The following RBM6 variants were observed in gnomAD, a reference collection of about 807,000 sequenced individuals.
RBM6 encodes the protein RNA binding motif protein 6.
A neutral mutation model predicts 140.4 loss-of-function variants in RBM6; 23 were observed. The ratio of observed to expected loss-of-function variants is 0.16; its 90% CI spans 0.12 to 0.23. The LOEUF is 0.23. RBM6 is among the 10% of genes least tolerant of loss of function. RBM6 has a pLI of 1.00. For missense variants in RBM6, 1,139 were observed against 1,386.7 expected (o/e 0.82, Z 2.84); for synonymous variants, 439 against 475.6 (o/e 0.92, Z 1.00).
At chr3:50,015,865 G>A in intron 6 of RBM6, among the ~76,000 whole-genome samples, 1 of 152,198 alleles carries the variant, frequency 6.6e-6, no homozygotes. Context: ...TATGATACAT[G>A]TGTACATTGT....
chr3:49,996,823 G>A (rs2108728336), intron 5 of RBM6, among the ~76,000 whole-genome samples: 1 of 152,140 alleles, frequency 6.6e-6, no homozygotes, highest in East Asian at 1.9e-4. Flanking sequence ...ATTTAAATTG[G>A]TCTATGATCT....
intron 6 of RBM6, among the ~76,000 whole-genome samples, chr3:50,023,112 T>A (rs2087598328): frequency 6.6e-6 from 1 of 152,130 alleles, no homozygotes; most frequent in Non-Finnish European, 1.5e-5. Context: ...AAAAAAAGAT[T>A]TTTTTGAAAA....
chr3:49,968,850 T>C (rs930957993), intron 3 of RBM6, 102 bp downstream of exon 3: 1 of 1,345,560 alleles, frequency 7.4e-7, no homozygotes, highest in Non-Finnish European at 9.8e-7. Context: ...GTGCGATCTC[T>C]GCTCATGCAA....
At chr3:49,970,493 G>A (rs1043303670) in intron 3 of RBM6, among the ~76,000 whole-genome samples, 1 of 152,144 alleles carries the variant, frequency 6.6e-6, no homozygotes, top group Admixed American at 6.5e-5. Flanking sequence ...CTCTCGCTTA[G>A]TTAGACCTGT....
intron 13 of RBM6, 73 bp downstream of exon 13, chr3:50,061,294 A>G: frequency 3.7e-6 from 6 of 1,607,796 alleles, no homozygotes; most frequent in Middle Eastern, 1.7e-4. Flanking sequence ...CATCTGTGTG[A>G]TCACAGTTGG....
chr3:50,009,339 TTC>T (rs2086732051), intron 6 of RBM6, among the ~76,000 whole-genome samples: 1 of 152,198 alleles, frequency 6.6e-6, no homozygotes, highest in Non-Finnish European at 1.5e-5. Context: ...TTGCAGGTAG[TTC>T]TTTTATCAGA....
rs542734328 is a variant in RBM6, at chr3:50,021,740, C to CTTTTTTTTTTTTTTTTTTTTTTTTTTT, written c.1557+22231_1557+22257dup. 1.9e-4 allele frequency among the ~76,000 whole-genome samples: 8 copies of CTTTTTTTTTTTTTTTTTTTTTTTTTTT among 42,752 alleles called. 1 individual carries two copies. The highest frequency in any genetic ancestry group is 4.5e-4 in the Admixed American group (1 of 2,208). The allele number at this position is 42,752 out of a possible 152,430, so 28.0% of individuals were successfully genotyped here. A position where few individuals can be genotyped will look rare whatever the true frequency, so the allele number is the denominator to read the frequency against. On this transcript the variant is annotated intron_variant, in intron 6 of 20. Coordinates refer to ENST00000266022, the MANE Select transcript of RBM6 (RefSeq NM_005777.3). Reference sequence around the variant, plus strand: ...ATCTCCATACTGAGGAATTTAAGTGCTTTTTTTTTTTTTTTTTTTTTTTTT... The same window carrying CTTTTTTTTTTTTTTTTTTTTTTTTTTT: ...ATCTCCATACTGAGGAATTTAAGTGCTTTTTTTTTTTTTTTTTTTTTTTTTTTTTTTTTTTTTTTTTTTTTTTTTTTT...
intron 7 of RBM6, among the ~76,000 whole-genome samples, chr3:50,052,986 GGTGTGTGTGTGTGTGTGTGTGTGTGTGT>G (rs57244510): frequency 1.5e-5 from 2 of 134,748 alleles, no homozygotes; most frequent in East Asian, 2.4e-4. Context: ...AGTGGGCAGG[GGTGTGTGTGTGTGTGTGTGTGTGTGTGT>G]GTGTGTGTGT....
intron 15 of RBM6, among the ~76,000 whole-genome samples, chr3:50,064,760 C>T (rs1009781375): frequency 1.3e-5 from 2 of 152,170 alleles, no homozygotes; most frequent in African/African-American, 4.8e-5. Flanking sequence ...TCACTGCAAG[C>T]TCCGCCTCTC....
intron 7 of RBM6, among the ~76,000 whole-genome samples, chr3:50,049,797 A>T (rs1193347880): frequency 6.6e-6 from 1 of 151,756 alleles, no homozygotes; most frequent in Non-Finnish European, 1.5e-5. Flanking sequence ...ATTCAGTGAC[A>T]TTAAGTACCT....
intron 19 of RBM6, among the ~76,000 whole-genome samples, chr3:50,073,846 C>CT (rs35212132): frequency 0.53 from 77,419 of 147,032 alleles, 20,762 homozygotes; most frequent in East Asian, 0.83. Flanking sequence ...CCCATGCAGC[C>CT]TTTTTTTTTT....
At chr3:50,051,223 G>A (rs961685690) in intron 7 of RBM6, among the ~76,000 whole-genome samples, 3 of 151,798 alleles carry the variant, frequency 2.0e-5, no homozygotes, top group African/African-American at 7.3e-5. Flanking sequence ...GCCTATGATC[G>A]CGGCTACTAA....
intron 1 of RBM6, among the ~76,000 whole-genome samples, chr3:49,953,545 G>T (rs1014201814): frequency 1.5e-5 from 2 of 129,188 alleles, no homozygotes; most frequent in South Asian, 2.5e-4. Context: ...TTTTGAGACC[G>T]TCTCTGTCAC....
At chr3:49,972,844 A>G (rs548029936) in intron 4 of RBM6, among the ~76,000 whole-genome samples, 4 of 152,280 alleles carry the variant, frequency 2.6e-5, no homozygotes, top group African/African-American at 9.6e-5. Flanking sequence ...CTCGGCCTGT[A>G]ACTCGGAGAC....
chr3:49,997,734 A>T (rs1358491949), intron 5 of RBM6, among the ~76,000 whole-genome samples: 1 of 152,172 alleles, frequency 6.6e-6, no homozygotes, highest in African/African-American at 2.4e-5. Flanking sequence ...TTATTCTGTA[A>T]TGTTTCCCAA....
At chr3:50,044,124 C>G (rs553481119) in intron 6 of RBM6, among the ~76,000 whole-genome samples, 2 of 151,996 alleles carry the variant, frequency 1.3e-5, no homozygotes, top group African/African-American at 4.8e-5. Flanking sequence ...GCAGTCCACC[C>G]GCCTCGGCCT....
chr3:50,039,702 T>A (rs749381576), intron 6 of RBM6, among the ~76,000 whole-genome samples: 2 of 152,178 alleles, frequency 1.3e-5, no homozygotes, highest in Non-Finnish European at 2.9e-5. Flanking sequence ...TTGTTCTGAG[T>A]GCTAATAGTT....
chr3:49,982,866 C>T (rs978822142), intron 5 of RBM6, among the ~76,000 whole-genome samples: 2 of 151,608 alleles, frequency 1.3e-5, no homozygotes, highest in South Asian at 2.1e-4. Flanking sequence ...GGCCTGCCAT[C>T]GTGCCCAGCT....
intron 3 of RBM6, among the ~76,000 whole-genome samples, chr3:49,969,325 T>C (rs2084669803): frequency 7.9e-6 from 1 of 126,536 alleles, no homozygotes; most frequent in South Asian, 2.4e-4. Context: ...GCCTGGCCAG[T>C]TTTTTTTTTT....
Sources: gnomAD v4.1 joint callset for allele counts (sites outside exome capture counted in the v4.1 genomes callset) on GRCh38, gnomAD v4.1.1 for gene constraint, MANE v1.5 for transcripts, NCBI Gene and HGNC (gene_info 2026-07-23, HGNC 2026-07-21) for gene names.